RGS6: variants seen among roughly 807,000 people sequenced by gnomAD.
RGS6 encodes the protein regulator of G protein signaling 6, also known as regulator of G-protein signaling 6.
RGS6 carries 30 observed loss-of-function variants against 78.5 expected under a neutral mutation model. That is an observed-to-expected ratio of 0.38 (90% CI 0.29 to 0.52). RGS6 has a LOEUF of 0.52. RGS6 is among the 20% of genes least tolerant of loss of function. The pLI is 0.85. For synonymous variants in RGS6, 206 were observed against 206.0 expected, an observed-to-expected ratio of 1.00 and a Z score of 0.00; for missense variants, 495 against 609.7, an observed-to-expected ratio of 0.81 and a Z score of 1.98.
intron 2 of RGS6, among the ~76,000 whole-genome samples, chr14:72,179,227 T>G (rs891881312): frequency 6.6e-6 from 1 of 152,194 alleles, no homozygotes; most frequent in African/African-American, 2.4e-5. Flanking sequence ...TTTGCCCCTT[T>G]TTGTGGCTGA....
At chr14:72,092,681 C>A (rs2095306376) in intron 2 of RGS6, among the ~76,000 whole-genome samples, 1 of 152,208 alleles carries the variant, frequency 6.6e-6, no homozygotes, top group Admixed American at 6.5e-5. Context: ...TGCGCCTGGC[C>A]TCAGCTCCCT....
the RGS6 span, among the ~76,000 whole-genome samples, chr14:72,605,645 CTGCAGGGA>C: frequency 6.6e-6 from 1 of 152,120 alleles, no homozygotes; most frequent in African/African-American, 2.4e-5. Context: ...GTGCTGCAGG[CTGCAGGGA>C]TGCCCAGGAA....
chr14:72,092,266 C>G (rs1336588054), intron 2 of RGS6, among the ~76,000 whole-genome samples: 1 of 151,880 alleles, frequency 6.6e-6, no homozygotes, highest in Non-Finnish European at 1.5e-5. Flanking sequence ...CTCAAGTGAT[C>G]CACCCACTTC....
chr14:72,247,584 G>T (rs2054547687), intron 2 of RGS6, among the ~76,000 whole-genome samples: 1 of 152,186 alleles, frequency 6.6e-6, no homozygotes, highest in South Asian at 2.1e-4. Context: ...GTAAAATACT[G>T]ATTTCTGTGG....
intron 2 of RGS6, among the ~76,000 whole-genome samples, chr14:72,292,415 G>T (rs1029018300): frequency 3.3e-5 from 5 of 152,144 alleles, no homozygotes; most frequent in African/African-American, 9.7e-5. Flanking sequence ...AATTCAGGTC[G>T]AACCAAGGCA....
intron 2 of RGS6, among the ~76,000 whole-genome samples, chr14:72,191,227 AAAT>A (rs1441899213): frequency 6.6e-6 from 1 of 152,212 alleles, no homozygotes. Context: ...TAGTCAAGAT[AAAT>A]AATATTTAAT....
At chr14:72,466,576 C>T (rs554990639) in intron 7 of RGS6, among the ~76,000 whole-genome samples, 10 of 152,358 alleles carry the variant, frequency 6.6e-5, no homozygotes, top group African/African-American at 2.4e-4. Flanking sequence ...ACTGTTGATA[C>T]ACACAACCAC....
intron 14 of RGS6, 89 bp downstream of exon 14, chr14:72,510,368 A>G: frequency 1.3e-6 from 2 of 1,525,744 alleles, no homozygotes; most frequent in Admixed American, 1.7e-5. Flanking sequence ...TCTCAATGAA[A>G]CGTTATCAGG....
At chr14:72,400,439 C>G (rs1043233394) in intron 3 of RGS6, among the ~76,000 whole-genome samples, 1 of 152,142 alleles carries the variant, frequency 6.6e-6, no homozygotes, top group African/African-American at 2.4e-5. Context: ...TTTTATAGAT[C>G]ATTATCATTC....
intron 2 of RGS6, among the ~76,000 whole-genome samples, chr14:71,998,518 A>T (rs2082802967): frequency 6.6e-6 from 1 of 152,240 alleles, no homozygotes; most frequent in African/African-American, 2.4e-5. Flanking sequence ...CCATGGCTGC[A>T]GCTCTTTCTC....
At chr14:72,453,615 CAAA>C (rs60280790) in intron 3 of RGS6, among the ~76,000 whole-genome samples, 11 of 52,062 alleles carry the variant, frequency 2.1e-4, no homozygotes, top group East Asian at 1.9e-3. Flanking sequence ...GACTCCGTCT[CAAA>C]AAAAAAAAAA....
At chr14:72,166,114 AC>A in intron 2 of RGS6, among the ~76,000 whole-genome samples, 1 of 148,354 alleles carries the variant, frequency 6.7e-6, no homozygotes, top group Non-Finnish European at 1.5e-5. Flanking sequence ...ACACACACAC[AC>A]ACACACACAC....
intron 2 of RGS6, among the ~76,000 whole-genome samples, chr14:72,328,335 A>C (rs1347510412): frequency 6.6e-6 from 1 of 152,218 alleles, no homozygotes; most frequent in Non-Finnish European, 1.5e-5. Flanking sequence ...ATTAACCATC[A>C]CAGACACTGA....
intron 17 of RGS6, among the ~76,000 whole-genome samples, chr14:72,548,327 TTG>T (rs369257899): frequency 8.8e-5 from 13 of 147,242 alleles, no homozygotes; most frequent in Middle Eastern, 3.5e-3. Flanking sequence ...CAGATCATAT[TTG>T]TGTGTGTGTG....
chr14:72,297,085 A>G (rs1038994959), intron 2 of RGS6, among the ~76,000 whole-genome samples: 1 of 152,088 alleles, frequency 6.6e-6, no homozygotes, highest in Non-Finnish European at 1.5e-5. Context: ...TGATTTGGCC[A>G]TATATATGTA....
At chr14:72,536,505 C>G (rs2097253296) in intron 16 of RGS6, among the ~76,000 whole-genome samples, 1 of 152,158 alleles carries the variant, frequency 6.6e-6, no homozygotes, top group Non-Finnish European at 1.5e-5. Context: ...TACTGCCTCT[C>G]TCTGCATGTT....
chr14:72,385,923 G>A (rs2087820858), intron 3 of RGS6, among the ~76,000 whole-genome samples: 1 of 152,182 alleles, frequency 6.6e-6, no homozygotes, highest in South Asian at 2.1e-4. Context: ...AATATCACAT[G>A]TTGACCTTTC....
chr14:72,023,532 T>A (rs1406573944), intron 2 of RGS6, among the ~76,000 whole-genome samples: 1 of 152,226 alleles, frequency 6.6e-6, no homozygotes, highest in Non-Finnish European at 1.5e-5. Context: ...GGGGTGAAAC[T>A]GAGAGAAGGC....
At chr14:72,258,098 C>A (rs944237235) in intron 2 of RGS6, among the ~76,000 whole-genome samples, 1 of 152,122 alleles carries the variant, frequency 6.6e-6, no homozygotes, top group Non-Finnish European at 1.5e-5. Context: ...TTTTGGAGCA[C>A]TCTCTGGGGA....
Sources: allele counts gnomAD v4.1 joint callset (sites outside exome capture counted in the v4.1 genomes callset), GRCh38; gene constraint gnomAD v4.1.1; transcripts MANE v1.5; gene names NCBI Gene and HGNC (gene_info 2026-07-23, HGNC 2026-07-21).